Variants in SENP6 observed in about 807,000 individuals in gnomAD.
SENP6 encodes sentrin-specific protease 6.
A neutral mutation model predicts 134.5 loss-of-function variants in SENP6; 41 were observed. That is an observed-to-expected ratio of 0.30 (90% confidence interval 0.24 to 0.40). The LOEUF is 0.40. Ranked by LOEUF, SENP6 falls within the 10% of genes least tolerant of loss-of-function variation. SENP6 has a pLI of 1.00. For missense variants in SENP6, 1,248 were observed against 1,312.5 expected, an observed-to-expected ratio of 0.95 and a Z score of 0.76; for synonymous variants, 395 against 429.8, an observed-to-expected ratio of 0.92 and a Z score of 1.00.
chr6:75,712,785 GTTATCTACAAT>G (rs1378457800), intron 21 of SENP6, among the ~76,000 whole-genome samples: 1 of 152,034 alleles, frequency 6.6e-6, no homozygotes, highest in East Asian at 1.9e-4. Context: ...TACCTGTTTT[GTTATCTACAAT>G]AAGTTTTAGT....
chr6:75,634,829 C>G lies in SENP6; in HGVS notation c.458+18C>G, dbSNP rs760211511. 6.6e-7 allele frequency: 1 copy of G among 1,518,564 alleles called. No individual in the cohort carries two copies. The highest frequency in any genetic ancestry group is 1.9e-5 in the Admixed American group (1 of 53,674). The allele number at this position is 1,518,564 out of a possible 1,614,324, so 94.1% of individuals were successfully genotyped here. ...GCCCAAAGGTAAGAATTCTAATTGT[C>G]TTTGGTTAGTATATACATGGCATCT... On this transcript the variant is annotated intron_variant, in intron 5 of 23. Transcript: ENST00000447266.
In SENP6 at chr6:75,702,632, T is replaced by G. The variant is rs1199423966; in HGVS notation, c.2289-13T>G. ...CTAATAACATATTTAGTCATTTCAT[T>G]TGTTTTTTACAGTGCACACTGGTTT... On this transcript the variant is annotated splice_polypyrimidine_tract_variant and intron_variant, in intron 18 of 23. Coordinates refer to ENST00000447266, the MANE Select transcript of SENP6 (RefSeq NM_015571.4). 6.5e-7 allele frequency: 1 copy of G among 1,537,588 alleles called. No individual in the cohort carries two copies.
chr6:75,653,761 C>G (rs1184710135), intron 7 of SENP6, among the ~76,000 whole-genome samples: 1 of 151,886 alleles, frequency 6.6e-6, no homozygotes, highest in African/African-American at 2.4e-5. Context: ...GCCTTGTGCC[C>G]CTATAAAATG....
At position 75,602,352 on chromosome 6, in the gene SENP6, GGCCT is replaced by G. The variant is rs1484430284; in HGVS notation, c.-168_-165del. On this transcript the variant is annotated 5_prime_UTR_variant, in exon 1 of 24. Coordinates refer to ENST00000447266, the MANE Select transcript of SENP6 (RefSeq NM_015571.4). ...CCCGCGGACAGGCCCGGGCGCGCCT[GGCCT>G]GCCTTTGTATAGGCCCGTCTGAACG... 2.0e-5 allele frequency: 13 copies of G among 646,940 alleles called. No individual in the cohort carries two copies. Among genetic ancestry groups the G allele is most frequent in the South Asian group, 1.3e-4 (6 of 46,356 alleles). The allele number at this position is 646,940 out of a possible 1,614,324, so 40.1% of individuals were successfully genotyped here.
chr6:75,633,300 A>G (rs180868719), intron 3 of SENP6, among the ~76,000 whole-genome samples: 169 of 152,320 alleles, frequency 1.1e-3, no homozygotes, highest in African/African-American at 3.8e-3. Flanking sequence ...CTCTGGAGAA[A>G]GCTATCCTAA....
chr6:75,616,872 T>G (rs1016443020), intron 1 of SENP6, among the ~76,000 whole-genome samples: 10 of 152,144 alleles, frequency 6.6e-5, no homozygotes, highest in Non-Finnish European at 1.2e-4. Context: ...AAATTTTTAT[T>G]TATGTATTTT....
At chr6:75,684,555 A>G (rs2149885286) in intron 16 of SENP6, among the ~76,000 whole-genome samples, 1 of 152,304 alleles carries the variant, frequency 6.6e-6, no homozygotes, top group East Asian at 1.9e-4. Flanking sequence ...AGCTCTTATT[A>G]TTTTGAGATA....
chr6:75,646,295 T>C (rs949288710), intron 6 of SENP6, among the ~76,000 whole-genome samples: 1 of 152,192 alleles, frequency 6.6e-6, no homozygotes, highest in Admixed American at 6.5e-5. Context: ...AATTTTTCAG[T>C]GTGGAAATTG....
chr6:75,667,419 C>T (rs1422425422), intron 10 of SENP6, among the ~76,000 whole-genome samples: 1 of 151,918 alleles, frequency 6.6e-6, no homozygotes, highest in Non-Finnish European at 1.5e-5. Flanking sequence ...AGACTGAGAA[C>T]TCTTAAAAAT....
At chr6:75,603,654 A>G (rs962232212) in intron 1 of SENP6, among the ~76,000 whole-genome samples, 2 of 152,218 alleles carry the variant, frequency 1.3e-5, no homozygotes, top group East Asian at 1.9e-4. Context: ...AACAGGTTCT[A>G]TAGGAGGGTG....
At chr6:75,636,261 C>T (rs1051299268) in intron 5 of SENP6, among the ~76,000 whole-genome samples, 2 of 152,088 alleles carry the variant, frequency 1.3e-5, no homozygotes, top group African/African-American at 4.8e-5. Context: ...TTGAAAAATT[C>T]TTAATGATTA....
chr6:75,713,031 C>G (rs1050277905), intron 21 of SENP6, among the ~76,000 whole-genome samples: 4 of 152,042 alleles, frequency 2.6e-5, no homozygotes, highest in African/African-American at 7.2e-5. Context: ...CACCTGCGCT[C>G]AGGACATTGA....
At chr6:75,624,931 G>A (rs759097240) in intron 3 of SENP6, among the ~76,000 whole-genome samples, 3 of 152,042 alleles carry the variant, frequency 2.0e-5, no homozygotes, top group Admixed American at 2.0e-4. Flanking sequence ...CCAGGAGTTT[G>A]AGACTACCTG....
chr6:75,602,630 G>A, intron 1 of SENP6, 54 bp downstream of exon 1: 1 of 1,528,708 alleles, frequency 6.5e-7, no homozygotes, highest in South Asian at 1.2e-5. Flanking sequence ...TGGAAAACGT[G>A]GCCCCCAGAA....
intron 16 of SENP6, among the ~76,000 whole-genome samples, chr6:75,680,200 G>A (rs1773368044): frequency 6.6e-6 from 1 of 152,176 alleles, no homozygotes; most frequent in Non-Finnish European, 1.5e-5. Flanking sequence ...AGGGTACCAG[G>A]TAGCTCCTAG....
chr6:75,715,302 T>G, intron 23 of SENP6, 83 bp from the exon 24 acceptor site: 1 of 1,077,050 alleles, frequency 9.3e-7, no homozygotes, highest in Non-Finnish European at 1.4e-6. Flanking sequence ...GGTTTTCTTA[T>G]TTTTAACTTC....
At position 75,634,372 on chromosome 6, in the gene SENP6, G is replaced by A. The variant is rs1347525419; in HGVS notation, c.354-335G>A. ...AGTGATTCTCCTGCTTCATCCTCCC[G>A]AGTAGCTGGGATTACAGGTGCCCAC... is the stretch of plus-strand genomic sequence containing the variant. On this transcript the variant is annotated intron_variant, in intron 4 of 23. Coordinates refer to ENST00000447266, the MANE Select transcript of SENP6 (RefSeq NM_015571.4). Among the ~76,000 whole-genome samples, 6 of 152,064 alleles carry A rather than the reference G, an allele frequency of 3.9e-5. No homozygotes were observed. The East Asian group carries it at 9.7e-4, about 24-fold the overall frequency.
At chr6:75,694,863 G>GT (rs753854282) in intron 16 of SENP6, among the ~76,000 whole-genome samples, 10 of 151,620 alleles carry the variant, frequency 6.6e-5, no homozygotes, top group East Asian at 3.9e-4. Flanking sequence ...TGTGCCCTTG[G>GT]TTTTTTTTAA....
intron 1 of SENP6, chr6:75,611,773 A>G (rs1767468812): frequency 6.6e-6 from 1 of 152,182 alleles, no homozygotes; most frequent in African/African-American, 2.4e-5. Context: ...AGACTTTTTC[A>G]TTCCATAGAA....
Sources: allele counts gnomAD v4.1 joint callset (sites outside exome capture counted in the v4.1 genomes callset), GRCh38; gene constraint gnomAD v4.1.1; transcripts MANE v1.5; gene names NCBI Gene and HGNC (gene_info 2026-07-23, HGNC 2026-07-21).